The following CPS1 variants were observed in gnomAD, a reference collection of about 807,000 sequenced individuals.
The protein encoded by CPS1 is carbamoyl-phosphate synthase 1, also known as carbamoyl-phosphate synthase [ammonia], mitochondrial.
CPS1 carries 109 observed loss-of-function variants against 174.6 expected under a neutral mutation model. The ratio of observed to expected loss-of-function variants is 0.62; its 90% CI spans 0.53 to 0.73. CPS1 has a LOEUF of 0.73. CPS1 is among the 30% of genes least tolerant of loss of function. The probability of loss-of-function intolerance (pLI) is 0.00; values close to 1 mark genes in which losing one functional copy is unlikely to be tolerated. For missense variants in CPS1, 1,689 were observed against 1,821.9 expected, an observed-to-expected ratio of 0.93 and a Z score of 1.33; for synonymous variants, 637 against 632.0, an observed-to-expected ratio of 1.01 and a Z score of -0.12.
At chr2:210,664,728 C>A (rs1375698748) in intron 33 of CPS1, among the ~76,000 whole-genome samples, 1 of 152,128 alleles carries the variant, frequency 6.6e-6, no homozygotes, top group Non-Finnish European at 1.5e-5. Context: ...ATGAGAAATT[C>A]AGCTCCCCTT....
At chr2:210,487,996 A>G (rs1010387001) in intron 1 of CPS1, among the ~76,000 whole-genome samples, 1 of 152,220 alleles carries the variant, frequency 6.6e-6, no homozygotes, top group East Asian at 1.9e-4. Flanking sequence ...TTTTAAAAAA[A>G]GGGCATCTAA....
chr2:210,541,143 G>A (rs919831065), intron 1 of CPS1, among the ~76,000 whole-genome samples: 1 of 152,098 alleles, frequency 6.6e-6, no homozygotes, highest in Non-Finnish European at 1.5e-5. Context: ...TCAGTCCAGA[G>A]GGACAAATGT....
chr2:210,554,226 TA>T (rs1428255633), upstream of CPS1, among the ~76,000 whole-genome samples: 3 of 143,142 alleles, frequency 2.1e-5, no homozygotes, highest in East Asian at 6.2e-4. Flanking sequence ...TACACACACA[TA>T]TATATATGTA....
At chr2:210,523,828 T>C (rs577385021) in intron 1 of CPS1, among the ~76,000 whole-genome samples, 48 of 152,072 alleles carry the variant, frequency 3.2e-4, no homozygotes, top group African/African-American at 1.1e-3. Flanking sequence ...CTGGAAAAGA[T>C]TGACGTTTCT....
chr2:210,490,114 C>T (rs759153847), intron 1 of CPS1, among the ~76,000 whole-genome samples: 1 of 152,056 alleles, frequency 6.6e-6, no homozygotes, highest in Non-Finnish European at 1.5e-5. Flanking sequence ...TCACTTTATA[C>T]ACAGCCTTGC....
intron 1 of CPS1, among the ~76,000 whole-genome samples, chr2:210,505,762 G>T (rs926414337): frequency 2.0e-5 from 3 of 152,204 alleles, no homozygotes; most frequent in Non-Finnish European, 4.4e-5. Flanking sequence ...GGCACGAAGG[G>T]TCCTATGCCC....
chr2:210,606,879 C>T lies in CPS1; in HGVS notation c.2130C>T (p.Tyr710=), dbSNP rs773091977. ...CCCTTCATCCTACCTCAATGGAATACTGCATCATTGAAGTGAATGCCAGAC... is the reference window on the plus strand; with the variant it reads ...CCCTTCATCCTACCTCAATGGAATATTGCATCATTGAAGTGAATGCCAGAC... ...QFALHPTSME[Y]CIIEVNARLS... Residue 710 remains tyrosine, a synonymous_variant, in exon 18 of 38, where the codon TAC becomes TAT. Transcript: ENST00000233072. The T allele has an allele frequency of 1.2e-6, 2 of 1,612,638 alleles. No homozygotes were observed. Among genetic ancestry groups the T allele is most frequent in the Admixed American group, 1.7e-5 (1 of 59,844 alleles).
intron 34 of CPS1, chr2:210,674,484 CAA>C (rs771522432): frequency 1.3e-3 from 98 of 74,902 alleles, no homozygotes; most frequent in South Asian, 3.7e-3. Flanking sequence ...AAAAAAAAAC[CAA>C]AAAAAAAAAA....
chr2:210,658,952 T>C (rs1197365575), intron 31 of CPS1, among the ~76,000 whole-genome samples: 1 of 152,158 alleles, frequency 6.6e-6, no homozygotes, highest in Non-Finnish European at 1.5e-5. Context: ...CCACCTACAG[T>C]ATAGTATAGA....
chr2:210,646,648 AT>A (rs1298727643), intron 25 of CPS1, among the ~76,000 whole-genome samples: 2 of 152,214 alleles, frequency 1.3e-5, no homozygotes, highest in African/African-American at 4.8e-5. Context: ...GATTTTTGAT[AT>A]TAATAATCAT....
chr2:210,631,300 C>T (rs938298501), intron 21 of CPS1: 1 of 152,120 alleles, frequency 6.6e-6, no homozygotes, highest in African/African-American at 2.4e-5. Context: ...AAAATTTCCT[C>T]ATTAAGGGGA....
At chr2:210,502,441 G>T (rs1215834985) in intron 1 of CPS1, among the ~76,000 whole-genome samples, 1 of 141,858 alleles carries the variant, frequency 7.0e-6, no homozygotes, top group East Asian at 2.0e-4. Context: ...GAGATATAGA[G>T]ATATCTATGA....
At chr2:210,640,646 G>C (rs1287766014) in intron 24 of CPS1, among the ~76,000 whole-genome samples, 1 of 152,184 alleles carries the variant, frequency 6.6e-6, no homozygotes, top group African/African-American at 2.4e-5. Flanking sequence ...TTAATGGACA[G>C]TGATATTAGT....
At chr2:210,496,926 C>T (rs1215294912) in intron 1 of CPS1, among the ~76,000 whole-genome samples, 1 of 152,180 alleles carries the variant, frequency 6.6e-6, no homozygotes, top group Admixed American at 6.5e-5. Context: ...CTGTCTATGT[C>T]ATTTATTTTC....
intron 1 of CPS1, among the ~76,000 whole-genome samples, chr2:210,528,904 T>C (rs980055034): frequency 4.2e-5 from 6 of 144,172 alleles, no homozygotes; most frequent in Non-Finnish European, 7.5e-5. Context: ...AACAAAAGGA[T>C]GAATAAAAAA....
At chr2:210,546,441 A>G (rs1293656279) in intron 1 of CPS1, among the ~76,000 whole-genome samples, 1 of 152,164 alleles carries the variant, frequency 6.6e-6, no homozygotes, top group Non-Finnish European at 1.5e-5. Flanking sequence ...TCAACCAGGA[A>G]GATATTAATG....
At chr2:210,525,819 G>GAC (rs1695957929) in intron 1 of CPS1, among the ~76,000 whole-genome samples, 1 of 150,046 alleles carries the variant, frequency 6.7e-6, no homozygotes, top group Non-Finnish European at 1.5e-5. Context: ...GAGAGAGAGA[G>GAC]AGAGAGAGGG....
chr2:210,637,213 GT>G (rs2105894754), intron 21 of CPS1, among the ~76,000 whole-genome samples: 1 of 152,254 alleles, frequency 6.6e-6, no homozygotes, highest in South Asian at 2.1e-4. Flanking sequence ...GTGGGTAGGG[GT>G]AGGGGGAAAC....
intron 1 of CPS1, among the ~76,000 whole-genome samples, chr2:210,505,293 T>G (rs1695247498): frequency 6.6e-6 from 1 of 151,648 alleles, no homozygotes; most frequent in Non-Finnish European, 1.5e-5. Flanking sequence ...TGGCCAAAAC[T>G]GCAATTACTT....
Sources: gnomAD v4.1 joint callset for allele counts (sites outside exome capture counted in the v4.1 genomes callset) on GRCh38, gnomAD v4.1.1 for gene constraint, MANE v1.5 for transcripts, NCBI Gene and HGNC (gene_info 2026-07-23, HGNC 2026-07-21) for gene names.